PRDM15: variants seen among roughly 807,000 people sequenced by gnomAD.
The protein encoded by PRDM15 is PR domain zinc finger protein 15.
Under a neutral mutation model 128.6 loss-of-function variants are expected in PRDM15, and 64 were observed. The ratio of observed to expected loss-of-function variants is 0.50; its 90% CI spans 0.41 to 0.61. The LOEUF (loss-of-function observed/expected upper bound fraction) is 0.61. PRDM15 is among the 20% of genes least tolerant of loss of function. The pLI, the probability that PRDM15 is intolerant of heterozygous loss-of-function variation, is 0.00. For synonymous variants in PRDM15, 615 were observed against 621.8 expected (o/e 0.99, Z 0.16); for missense variants, 1,242 against 1,569.1 (o/e 0.79, Z 3.52).
chr21:41,873,460 G>C (rs1337177426), intron 1 of PRDM15, among the ~76,000 whole-genome samples: 1 of 152,078 alleles, frequency 6.6e-6, no homozygotes, highest in African/African-American at 2.4e-5. Flanking sequence ...GATGCATCTG[G>C]TATCTTTCCT....
Position 41,798,677 on chromosome 21 carries a change from G to A in PRDM15, c.*2563C>T, listed in dbSNP as rs1245751274. ...CCAAAACGAATTCTCCACTGAGATG[G>A]GTCCACAGAGCCTGGTGGCCACAAT... On this transcript the variant is annotated 3_prime_UTR_variant, in exon 24 of 24. Transcript: ENST00000398548. The A allele has an allele frequency of 2.0e-5, 3 of 152,172 alleles. No homozygotes were observed. The highest frequency in any genetic ancestry group is 4.1e-4 in the South Asian group (2 of 4,826). 9.4% of individuals were successfully genotyped at this position (152,172 alleles called of 1,614,324 possible).
rs766514609 is a variant in PRDM15 at position 41,854,806 on chromosome 21, C to T, written c.298G>A (p.Asp100Asn). ...GTGTCGAAGCACACGGGGTGCCCGT[C>T]CTTCTGGAACACCTGAAGGTGAGTC... ...SAFPLKVFQK[D>N]GHPVCFDTSN... The change falls in exon 5 of 24, where the codon GAC becomes AAC. Residue 100 changes from aspartate to asparagine, a missense_variant. Physicochemically the swap from Asp to Asn is conservative, Grantham distance 23. Transcript: ENST00000398548. This position sits in a 1 kb window ranked among gnomAD's most constrained non-coding sequence, Gnocchi z 4.6. The T allele has an allele frequency of 1.2e-6, 2 of 1,600,444 alleles. No individual in the cohort carries two copies. Among genetic ancestry groups the T allele is most frequent in the Non-Finnish European group, 1.7e-6 (2 of 1,169,558 alleles).
Position 41,859,781 on chromosome 21 carries a change from C to T in PRDM15, c.38-96G>A. 7 of 984,458 alleles carry T rather than the reference C, an allele frequency of 7.1e-6. No homozygotes were observed. The highest frequency in any genetic ancestry group is 1.1e-5 in the Non-Finnish European group (7 of 640,504). The allele number at this position is 984,458 out of a possible 1,614,324, so 61.0% of individuals were successfully genotyped here. A position where few individuals can be genotyped will look rare whatever the true frequency, so the allele number is the denominator to read the frequency against. ...GGGGACCCTGGCCCCATGAGGGTGA[C>T]CCAGAGTCATGAGACACATGCATGC... On this transcript the variant is annotated intron_variant, in intron 2 of 23. Coordinates refer to ENST00000398548, the MANE Select transcript of PRDM15 (RefSeq NM_001040424.3). The surrounding 1 kb of genome is among the most constrained non-coding windows in gnomAD (Gnocchi z 5.3).
In PRDM15 at chr21:41,859,980, C is replaced by T. The variant is rs992126372; in HGVS notation, c.38-295G>A. On this transcript the variant is annotated intron_variant, in intron 2 of 23. Coordinates refer to ENST00000398548, the MANE Select transcript of PRDM15 (RefSeq NM_001040424.3). This position sits in a 1 kb window ranked among gnomAD's most constrained non-coding sequence, Gnocchi z 5.3. ...TCAAGCACGGTCACCTCCATGGTGA[C>T]GAAGACCAAGACCCTCCCCAAAGAA... is the stretch of plus-strand genomic sequence containing the variant. Among the ~76,000 whole-genome samples the T allele has an allele frequency of 6.6e-5, 10 of 152,222 alleles. No homozygotes were observed. Among genetic ancestry groups the T allele is most frequent in the African/African-American group, 1.2e-4 (5 of 41,540 alleles).
At chr21:41,865,546 CA>C (rs1449644633) in intron 1 of PRDM15, among the ~76,000 whole-genome samples, 2 of 152,172 alleles carry the variant, frequency 1.3e-5, no homozygotes, top group African/African-American at 4.8e-5. Context: ...CCACCCCAGG[CA>C]CAGCCACTTC....
intron 6 of PRDM15, among the ~76,000 whole-genome samples, chr21:41,843,087 A>AT (rs1262579444): frequency 3.3e-5 from 5 of 151,364 alleles, no homozygotes; most frequent in African/African-American, 9.7e-5. Context: ...GTCTGGCCTG[A>AT]TTTTTTTGTT....
chr21:41,854,514 C>A lies in PRDM15; in HGVS notation c.538+52G>T. 1 of 1,602,180 alleles carries A rather than the reference C, an allele frequency of 6.2e-7. No homozygotes were observed. Among genetic ancestry groups the A allele is most frequent in the Non-Finnish European group, 8.5e-7 (1 of 1,178,466 alleles). ...GCACAGAGCCAAGGGACCATAACCCCTTCGGCGAGGCACAAGGGAAGGTGG... is the reference window on the plus strand; with the variant it reads ...GCACAGAGCCAAGGGACCATAACCCATTCGGCGAGGCACAAGGGAAGGTGG... On this transcript the variant is annotated intron_variant, in intron 5 of 23. Transcript: ENST00000398548. This position sits in a 1 kb window ranked among gnomAD's most constrained non-coding sequence, Gnocchi z 4.6.
intron 13 of PRDM15, among the ~76,000 whole-genome samples, chr21:41,825,212 T>G (rs927807976): frequency 6.6e-6 from 1 of 152,274 alleles, no homozygotes; most frequent in African/African-American, 2.4e-5. Flanking sequence ...GAAGAAGTGA[T>G]GCCACCTCCA....
At position 41,823,463 on chromosome 21, in the gene PRDM15, G is replaced by A; in HGVS notation, c.1630-14C>T. The A allele has an allele frequency of 1.3e-6, 2 of 1,547,942 alleles. No individual in the cohort carries two copies. The highest frequency in any genetic ancestry group is 1.2e-5 in the South Asian group (1 of 84,000). On this transcript the variant is annotated splice_polypyrimidine_tract_variant and intron_variant, in intron 13 of 23. Transcript: ENST00000398548. ...GCAGGAGAACACCTGTGGCAGAGGA[G>A]CCGCATGGTGAGGGGCTGCGGCGTC...
chr21:41,803,383 G>C (rs976681056), intron 22 of PRDM15, among the ~76,000 whole-genome samples: 1 of 152,190 alleles, frequency 6.6e-6, no homozygotes, highest in African/African-American at 2.4e-5. Context: ...GGGAACGAGG[G>C]CCCAGCTGCA....
chr21:41,836,043 T>G, intron 10 of PRDM15, 70 bp downstream of exon 10: 1 of 841,958 alleles, frequency 1.2e-6, no homozygotes, highest in Non-Finnish European at 1.8e-6. Flanking sequence ...CATTACAACA[T>G]GGTGATTTGG....
intron 1 of PRDM15, among the ~76,000 whole-genome samples, chr21:41,874,160 TAA>T (rs202161401): frequency 2.1e-5 from 3 of 146,338 alleles, no homozygotes; most frequent in Non-Finnish European, 3.0e-5. Context: ...TTGCTTAATT[TAA>T]AAAAAAAAGG....
chr21:41,819,905 AG>A, intron 17 of PRDM15, 189 bp downstream of exon 17: 1 of 783,990 alleles, frequency 1.3e-6, no homozygotes, highest in Non-Finnish European at 2.0e-6. Context: ...TGGAGGGGTG[AG>A]GGGGCTGGGG....
At chr21:41,838,641 A>AT (rs1044390294) in intron 7 of PRDM15, among the ~76,000 whole-genome samples, 3 of 152,220 alleles carry the variant, frequency 2.0e-5, no homozygotes, top group Non-Finnish European at 4.4e-5. Context: ...AATTAGTGAA[A>AT]TATCTACCTG....
At chr21:41,860,211 A>G (rs2063767906) in intron 2 of PRDM15, 116 bp downstream of exon 2, 1 of 714,580 alleles carries the variant, frequency 1.4e-6, no homozygotes, top group Non-Finnish European at 2.4e-6. Flanking sequence ...TAGCTTTTCT[A>G]TATTATAAAA....
At chr21:41,838,212 C>CT in intron 7 of PRDM15, 149 bp from the exon 8 acceptor site, 1 of 777,928 alleles carries the variant, frequency 1.3e-6, no homozygotes, top group East Asian at 2.6e-5. Context: ...AAAAAAAAAA[C>CT]TGTCAATATT....
At chr21:41,874,103 T>A (rs2064313933) in intron 1 of PRDM15, among the ~76,000 whole-genome samples, 1 of 145,078 alleles carries the variant, frequency 6.9e-6, no homozygotes, top group Non-Finnish European at 1.5e-5. Context: ...ACTGAGGTAG[T>A]GTAGACTCTA....
chr21:41,857,573 A>G (rs1361931224), intron 3 of PRDM15, among the ~76,000 whole-genome samples: 1 of 152,196 alleles, frequency 6.6e-6, no homozygotes, highest in Non-Finnish European at 1.5e-5. Context: ...CAGCCTGGGC[A>G]ATATGGTGAA....
At chr21:41,802,616 T>C (rs1029258647) in intron 23 of PRDM15, 96 bp downstream of exon 23, 1 of 981,680 alleles carries the variant, frequency 1.0e-6, no homozygotes, top group Admixed American at 1.7e-5. Flanking sequence ...ATGTACACTG[T>C]GTATAGTAAA....
Sources: allele counts gnomAD v4.1 joint callset (sites outside exome capture counted in the v4.1 genomes callset), GRCh38; gene constraint gnomAD v4.1.1; non-coding constraint Gnocchi (gnomAD v3.1); transcripts MANE v1.5; gene names NCBI Gene and HGNC (gene_info 2026-07-23, HGNC 2026-07-21).